Variants in MTMR3 observed in about 807,000 individuals in gnomAD.
MTMR3 encodes the protein myotubularin related protein 3, also known as phosphatidylinositol-3,5-bisphosphate 3-phosphatase MTMR3.
Under a neutral mutation model 132.4 loss-of-function variants are expected in MTMR3, and 32 were observed. That is an observed-to-expected ratio of 0.24 (90% CI 0.18 to 0.32). MTMR3 has a LOEUF of 0.32. Ranked by LOEUF, MTMR3 falls within the 10% of genes least tolerant of loss-of-function variation. The pLI is 1.00. For synonymous variants in MTMR3, 556 were observed against 550.3 expected (o/e 1.01, Z -0.14); for missense variants, 1,216 against 1,489.6 (o/e 0.82, Z 3.02).
chr22:29,939,734 A>G (rs1419802668), intron 1 of MTMR3, among the ~76,000 whole-genome samples: 2 of 151,994 alleles, frequency 1.3e-5, no homozygotes, highest in Admixed American at 6.5e-5. Flanking sequence ...CGTAGGCAGT[A>G]TGGACTTTCA....
chr22:30,020,340 A>T lies in MTMR3; in HGVS notation c.2681A>T (p.Gln894Leu). The part of the protein sequence containing the change: ...PSETSLVERP[Q>L]VGSVVHRTSL... Reference sequence around the variant, plus strand: ...GAGACAAGCCTGGTCGAGAGGCCCCAAGTGGGGTCTGTGGTGCATAGGACT... The same window carrying T: ...GAGACAAGCCTGGTCGAGAGGCCCCTAGTGGGGTCTGTGGTGCATAGGACT... The change falls in exon 17 of 20, where the codon CAA (glutamine) becomes CTA (leucine). Residue 894 changes from glutamine (Q) to leucine (L), a missense_variant. This residue lies in a region of MTMR3 where 852 missense variants were observed against 852.0 expected (regional missense o/e 1.00). Coordinates refer to ENST00000401950, the MANE Select transcript of MTMR3 (RefSeq NM_021090.4). The T allele has an allele frequency of 2.5e-6, 4 of 1,614,186 alleles. No homozygotes were observed. The highest frequency in any genetic ancestry group is 3.4e-6 in the Non-Finnish European group (4 of 1,180,026).
chr22:29,991,504 G>A lies in MTMR3; in HGVS notation c.294G>A (p.Arg98=). 10 of 1,603,786 alleles carry A rather than the reference G, an allele frequency of 6.2e-6. No homozygotes were observed. The highest frequency in any genetic ancestry group is 8.5e-6 in the Non-Finnish European group (10 of 1,176,186). Residue 98 remains arginine (R), a splice_region_variant and synonymous_variant, in exon 7 of 20, where the codon AGG becomes AGA. Transcript: ENST00000401950. ...CCATACTTGTTTGGCTTTACAAAAG[G>A]TGTCAGTTTTCAACCTTTGAGCAGT... The part of the protein sequence containing the change: ...HLTCKDCKVI[R]CQFSTFEQCQ...
intron 3 of MTMR3, chr22:29,978,230 A>AT (rs551430379): frequency 3.5e-4 from 140 of 400,292 alleles, no homozygotes; most frequent in Non-Finnish European, 5.5e-4. Flanking sequence ...CCTCTTTGAC[A>AT]TTTTTTTTGC....
At chr22:29,931,788 T>TG (rs1044914790) in intron 1 of MTMR3, among the ~76,000 whole-genome samples, 6 of 151,224 alleles carry the variant, frequency 4.0e-5, no homozygotes, top group African/African-American at 1.5e-4. Context: ...TCCTTTTTTT[T>TG]TTTTTTTTTA....
chr22:29,984,651 AGAG>A (rs2066821339), intron 5 of MTMR3: 1 of 152,234 alleles, frequency 6.6e-6, no homozygotes, highest in African/African-American at 2.4e-5. Flanking sequence ...GTGGAGAGAT[AGAG>A]GAGAGAGGAG....
rs779341272 is a variant in MTMR3, at chr22:30,019,683, G to T, written c.2024G>T (p.Gly675Val). Residue 675 changes from glycine (G) to valine (V), a missense_variant, in exon 17 of 20, where the codon GGT becomes GTT. By Grantham distance (109) the Gly-to-Val change is moderately radical (BLOSUM62 -3). Transcript: ENST00000401950. ...SLGKPTRVPG[G>V]AELSVAAGVA... ...GGGAAGCCCACCAGAGTGCCGGGGG[G>T]TGCCGAGCTTTCTGTTGCAGCCGGA... 2 of 1,614,060 alleles carry T rather than the reference G, an allele frequency of 1.2e-6. No individual in the cohort carries two copies. Among genetic ancestry groups the T allele is most frequent in the East Asian group, 2.2e-5 (1 of 44,884 alleles).
At chr22:29,953,563 C>G (rs2066124667) in intron 1 of MTMR3, among the ~76,000 whole-genome samples, 1 of 152,110 alleles carries the variant, frequency 6.6e-6, no homozygotes, top group African/African-American at 2.4e-5. Context: ...TGTTAGGTCC[C>G]CCTCTCCAGT....
chr22:30,017,093 C>T (rs1419175018), intron 15 of MTMR3: 3 of 170,724 alleles, frequency 1.8e-5, no homozygotes, highest in African/African-American at 7.2e-5. Flanking sequence ...TGTCAATAAG[C>T]AATGATACCC....
At chr22:29,896,869 TCACACACACA>T (rs61038012) in intron 1 of MTMR3, among the ~76,000 whole-genome samples, 2 of 138,148 alleles carry the variant, frequency 1.4e-5, no homozygotes, top group Non-Finnish European at 3.1e-5. Flanking sequence ...CAGGCTTGTC[TCACACACACA>T]CACACACACA....
chr22:29,934,476 A>G (rs992111618), intron 1 of MTMR3, among the ~76,000 whole-genome samples: 4 of 152,086 alleles, frequency 2.6e-5, no homozygotes, highest in African/African-American at 4.8e-5. Flanking sequence ...CTAGAGCCCA[A>G]TTTTTCTTTT....
At chr22:29,891,460 CTT>C (rs1414483211) in intron 1 of MTMR3, among the ~76,000 whole-genome samples, 1 of 151,438 alleles carries the variant, frequency 6.6e-6, no homozygotes, top group Admixed American at 6.6e-5. Flanking sequence ...AGACAAGAGT[CTT>C]TTTCTGTTAC....
intron 1 of MTMR3, among the ~76,000 whole-genome samples, chr22:29,949,147 C>T (rs34077534): frequency 4.9e-5 from 1 of 20,528 alleles, no homozygotes; most frequent in African/African-American, 1.8e-4. Flanking sequence ...ACACACACCC[C>T]CCCCCCCCCC....
chr22:29,920,860 A>G (rs964616790), intron 1 of MTMR3, among the ~76,000 whole-genome samples: 1 of 151,852 alleles, frequency 6.6e-6, no homozygotes, highest in Non-Finnish European at 1.5e-5. Context: ...GAAGATACCT[A>G]ATGGTTATTT....
chr22:29,945,360 A>G (rs994328985), intron 1 of MTMR3, among the ~76,000 whole-genome samples: 3 of 152,148 alleles, frequency 2.0e-5, no homozygotes, highest in African/African-American at 7.2e-5. Context: ...AAGAATAACT[A>G]TATTGAAATG....
chr22:29,892,075 C>G (rs998611655), intron 1 of MTMR3, among the ~76,000 whole-genome samples: 8 of 152,016 alleles, frequency 5.3e-5, no homozygotes, highest in Admixed American at 2.6e-4. Context: ...ATCTCTTGAA[C>G]CCAGGAGGCG....
intron 12 of MTMR3, 104 bp from the exon 13 acceptor site, chr22:30,012,264 A>T: frequency 7.9e-7 from 1 of 1,272,454 alleles, no homozygotes; most frequent in Non-Finnish European, 1.1e-6. Context: ...TTATATTTGG[A>T]GAGAGAAATC....
intron 1 of MTMR3, among the ~76,000 whole-genome samples, chr22:29,928,627 T>C (rs1391064297): frequency 6.6e-6 from 1 of 152,168 alleles, no homozygotes; most frequent in African/African-American, 2.4e-5. Context: ...TTAGGCTGTT[T>C]CTAGTTTTTT....
chr22:30,016,178 T>G, intron 14 of MTMR3: 1 of 212,878 alleles, frequency 4.7e-6, no homozygotes, highest in Non-Finnish European at 9.5e-6. Context: ...AACAAGTAGT[T>G]TTACAAACAT....
intron 2 of MTMR3, among the ~76,000 whole-genome samples, chr22:29,966,054 GA>G (rs2066408903): frequency 6.6e-6 from 1 of 152,118 alleles, no homozygotes; most frequent in South Asian, 2.1e-4. Flanking sequence ...TAAAAGTAGA[GA>G]AAATAGTTTA....
Sources: allele counts gnomAD v4.1 joint callset (sites outside exome capture counted in the v4.1 genomes callset), GRCh38; gene constraint gnomAD v4.1.1; regional missense constraint gnomAD v4.1.1; transcripts MANE v1.5; gene names NCBI Gene and HGNC (gene_info 2026-07-23, HGNC 2026-07-21).